CPNE4: variants seen among roughly 807,000 people sequenced by gnomAD.
CPNE4 encodes the protein copine 4.
In CPNE4, 25 loss-of-function variants were observed where a neutral mutation model predicts 67.9. That is an observed-to-expected ratio of 0.37 (90% CI 0.27 to 0.51). The LOEUF (loss-of-function observed/expected upper bound fraction) is 0.51, where lower values mean the gene tolerates loss of function less well. Ranked by LOEUF, CPNE4 falls within the 20% of genes least tolerant of loss-of-function variation. The pLI, the probability that CPNE4 is intolerant of heterozygous loss-of-function variation, is 0.93. For missense variants in CPNE4, 464 were observed against 690.8 expected, an observed-to-expected ratio of 0.67 and a Z score of 3.68; for synonymous variants, 242 against 244.9, an observed-to-expected ratio of 0.99 and a Z score of 0.11.
intron 10 of CPNE4, among the ~76,000 whole-genome samples, chr3:131,574,780 T>C (rs1937508797): frequency 6.6e-6 from 1 of 152,158 alleles, no homozygotes; most frequent in Non-Finnish European, 1.5e-5. Flanking sequence ...CTCTGCTTCA[T>C]GCCTCACATA....
At chr3:131,558,466 A>G (rs1396606360) in intron 11 of CPNE4, among the ~76,000 whole-genome samples, 1 of 152,020 alleles carries the variant, frequency 6.6e-6, no homozygotes, top group Non-Finnish European at 1.5e-5. Context: ...AATCTGGAAA[A>G]TTGAGGGGTA....
intron 1 of CPNE4, among the ~76,000 whole-genome samples, chr3:131,924,614 A>T (rs1032677602): frequency 1.3e-5 from 2 of 152,180 alleles, no homozygotes; most frequent in Admixed American, 6.5e-5. Flanking sequence ...TGATATTTTT[A>T]AAAATTCCTT....
At chr3:131,965,929 GCAC>G (rs2072330181) in intron 1 of CPNE4, among the ~76,000 whole-genome samples, 1 of 151,870 alleles carries the variant, frequency 6.6e-6, no homozygotes, top group Non-Finnish European at 1.5e-5. Flanking sequence ...TACATTCTCA[GCAC>G]CACATCACAC....
intron 1 of CPNE4, 36 bp from the exon 2 acceptor site, chr3:131,905,480 C>G (rs751268673): frequency 1.2e-5 from 18 of 1,558,054 alleles, no homozygotes; most frequent in Non-Finnish European, 1.4e-5. Context: ...AAAAGAAGTG[C>G]CAATCACTGC....
chr3:131,960,399 T>G (rs1312858037), intron 1 of CPNE4, among the ~76,000 whole-genome samples: 2 of 152,074 alleles, frequency 1.3e-5, no homozygotes, highest in African/African-American at 4.8e-5. Flanking sequence ...ACTGTCCCTA[T>G]AAACTTTATA....
chr3:131,627,375 A>G (rs2079106189), intron 7 of CPNE4, among the ~76,000 whole-genome samples: 1 of 152,138 alleles, frequency 6.6e-6, no homozygotes, highest in South Asian at 2.1e-4. Context: ...GAGTCCTTTC[A>G]TAATATTACT....
intron 1 of CPNE4, among the ~76,000 whole-genome samples, chr3:131,937,651 GAT>G (rs2071264047): frequency 6.6e-6 from 1 of 152,068 alleles, no homozygotes; most frequent in South Asian, 2.1e-4. Context: ...CTCTAATGCT[GAT>G]ATGTTAATAT....
At chr3:131,971,453 G>A (rs572893972) in intron 1 of CPNE4, among the ~76,000 whole-genome samples, 2 of 152,040 alleles carry the variant, frequency 1.3e-5, no homozygotes, top group Non-Finnish European at 2.9e-5. Flanking sequence ...TCTCTTCAAC[G>A]CTTCTCTGAT....
Position 131,769,828 on chromosome 3 carries a change from G to A in CPNE4, c.181-46203C>T, listed in dbSNP as rs191249386. ...GTCTATCCCACCTTTGAAATAGCCCGCTATAAGTCAAATAATAGGAGCTGT... is the reference window on the plus strand; with the variant it reads ...GTCTATCCCACCTTTGAAATAGCCCACTATAAGTCAAATAATAGGAGCTGT... On this transcript the variant is annotated intron_variant, in intron 2 of 15. Transcript: ENST00000429747. 3.0e-3 allele frequency among the ~76,000 whole-genome samples: 454 copies of A among 152,076 alleles called. 3 individuals carry two copies. The highest frequency in any genetic ancestry group is 4.0e-3 in the Non-Finnish European group (270 of 68,002).
At chr3:131,884,460 G>A (rs911093256) in intron 2 of CPNE4, among the ~76,000 whole-genome samples, 1 of 152,198 alleles carries the variant, frequency 6.6e-6, no homozygotes, top group Non-Finnish European at 1.5e-5. Flanking sequence ...TCTCTAGGAA[G>A]GGGGCAGAAC....
At chr3:131,665,673 A>AAACAAACC (rs1487259231) in intron 7 of CPNE4, among the ~76,000 whole-genome samples, 10 of 151,816 alleles carry the variant, frequency 6.6e-5, no homozygotes, top group Non-Finnish European at 1.5e-4. Flanking sequence ...ACAAACAAAC[A>AAACAAACC]AACAAACAAA....
intron 7 of CPNE4, among the ~76,000 whole-genome samples, chr3:131,621,718 G>A (rs1011843753): frequency 6.6e-6 from 1 of 151,980 alleles, no homozygotes; most frequent in Non-Finnish European, 1.5e-5. Flanking sequence ...CCATTAAATG[G>A]AATGTAGGCC....
chr3:131,611,382 C>A (rs1939832837), intron 7 of CPNE4, among the ~76,000 whole-genome samples: 1 of 152,128 alleles, frequency 6.6e-6, no homozygotes, highest in Admixed American at 6.5e-5. Flanking sequence ...ACAAAGTAAA[C>A]TACAGGGTAA....
At chr3:131,626,512 T>C (rs1283439360) in intron 7 of CPNE4, among the ~76,000 whole-genome samples, 2 of 152,204 alleles carry the variant, frequency 1.3e-5, no homozygotes, top group Admixed American at 6.5e-5. Context: ...TTAATTCTCT[T>C]CATTTCTCTG....
intron 2 of CPNE4, among the ~76,000 whole-genome samples, chr3:131,870,248 C>T (rs778778383): frequency 1.3e-5 from 2 of 152,148 alleles, no homozygotes; most frequent in Non-Finnish European, 2.9e-5. Context: ...TGTTTATCCA[C>T]TCAGTTATGA....
At chr3:131,591,224 G>C (rs1938507763) in intron 7 of CPNE4, among the ~76,000 whole-genome samples, 1 of 152,160 alleles carries the variant, frequency 6.6e-6, no homozygotes. Context: ...AACTTTGCCT[G>C]ATAGTAAGTA....
chr3:131,587,502 T>C lies in CPNE4; in HGVS notation c.762A>G (p.Gly254=), dbSNP rs778243373. ...EFTSTFKEMR[G]AMEGKQVQWE... is the part of the protein sequence containing the mutation. The stretch of plus-strand genomic sequence containing the variant: ...CATGTACCTGTTTCCCTTCCATTGC[T>C]CCTCTCATCTCCTTGAATGTCGAGG... The change falls in exon 8 of 16, where the codon GGA becomes GGG. Residue 254 remains glycine (G), a synonymous_variant. Coordinates refer to ENST00000429747, the MANE Select transcript of CPNE4 (RefSeq NM_130808.3). 1.2e-6 allele frequency: 2 copies of C among 1,613,734 alleles called. No individual in the cohort carries two copies. The highest frequency in any genetic ancestry group is 1.7e-6 in the Non-Finnish European group (2 of 1,179,672).
rs534923216 is a variant in CPNE4 at position 131,690,351 on chromosome 3, A to G, written c.508-4393T>C. ...GGGACAAAAACAGACACATAAGACC[A>G]ATGGAACAGGATAGAGAATCCAGAA... On this transcript the variant is annotated intron_variant, in intron 5 of 15. Coordinates refer to ENST00000429747, the MANE Select transcript of CPNE4 (RefSeq NM_130808.3). Among the ~76,000 whole-genome samples, 258 of 152,312 alleles carry G rather than the reference A, an allele frequency of 1.7e-3. 1 individual carries two copies. Among genetic ancestry groups the G allele is most frequent in the African/African-American group, 5.6e-3 (231 of 41,576 alleles).
intron 2 of CPNE4, among the ~76,000 whole-genome samples, chr3:131,779,492 A>G (rs1418761409): frequency 6.6e-6 from 1 of 152,106 alleles, no homozygotes; most frequent in Non-Finnish European, 1.5e-5. Context: ...AGACACATAG[A>G]CCAATAGAAC....
Sources: gnomAD v4.1 joint callset for allele counts (sites outside exome capture counted in the v4.1 genomes callset) on GRCh38, gnomAD v4.1.1 for gene constraint, MANE v1.5 for transcripts, NCBI Gene and HGNC (gene_info 2026-07-23, HGNC 2026-07-21) for gene names.